CFAP54: variants seen among roughly 807,000 people sequenced by gnomAD.
The protein encoded by CFAP54 is cilia and flagella associated protein 54.
A neutral mutation model predicts 370.4 loss-of-function variants in CFAP54; 290 were observed. That is an observed-to-expected ratio of 0.78 (90% confidence interval 0.71 to 0.86). The LOEUF (loss-of-function observed/expected upper bound fraction) is 0.86. Ranked by LOEUF, CFAP54 falls within the 40% of genes least tolerant of loss-of-function variation. The pLI is 0.00. For synonymous variants in CFAP54, 1,206 were observed against 1,236.5 expected, an observed-to-expected ratio of 0.98 and a Z score of 0.52; for missense variants, 3,399 against 3,528.7, an observed-to-expected ratio of 0.96 and a Z score of 0.93.
At chr12:96,759,136 A>G (rs1033987255) in intron 58 of CFAP54, among the ~76,000 whole-genome samples, 21 of 152,070 alleles carry the variant, frequency 1.4e-4, no homozygotes, top group Admixed American at 1.3e-4. Context: ...AGGCAAATAG[A>G]GTCTCAGTCA....
At chr12:96,860,987 T>C in intron 67 of CFAP54, 35 bp downstream of exon 67, 1 of 1,417,302 alleles carries the variant, frequency 7.1e-7, no homozygotes, top group Non-Finnish European at 9.2e-7. Context: ...TTGTTGTTTC[T>C]CTTCATTTGA....
intron 64 of CFAP54, among the ~76,000 whole-genome samples, chr12:96,814,007 T>A (rs930294738): frequency 3.3e-5 from 5 of 152,178 alleles, no homozygotes; most frequent in African/African-American, 9.7e-5. Context: ...AGTCATCTGA[T>A]GTTGCTCTTT....
chr12:96,693,921 A>G (rs865775987), intron 45 of CFAP54, 113 bp downstream of exon 45: 2 of 596,294 alleles, frequency 3.4e-6, no homozygotes, highest in Middle Eastern at 7.1e-4. Flanking sequence ...ATGGCATTAC[A>G]CTGATGTAAG....
At chr12:96,505,895 G>C (rs186480263) in intron 3 of CFAP54, among the ~76,000 whole-genome samples, 3 of 152,208 alleles carry the variant, frequency 2.0e-5, no homozygotes, top group Admixed American at 6.5e-5. Context: ...AGCAGTGTCC[G>C]TTTCTTCCTC....
intron 33 of CFAP54, chr12:96,645,016 T>C (rs961826736): frequency 2.8e-6 from 1 of 361,338 alleles, no homozygotes; most frequent in Non-Finnish European, 5.6e-6. Flanking sequence ...AAGGGTAAAA[T>C]GTAATTCCAA....
rs539432312 is a variant in CFAP54, at chr12:96,664,927, C to G, written c.5563+995C>G. Reference sequence around the variant, plus strand: ...CACAATGGTTGAACTAATTTACACTCCCACTAACAATGTATAAGCGTTCGT... The same window carrying G: ...CACAATGGTTGAACTAATTTACACTGCCACTAACAATGTATAAGCGTTCGT... On this transcript the variant is annotated intron_variant, in intron 39 of 67. Transcript: ENST00000524981. Among the ~76,000 whole-genome samples, 12 of 151,436 alleles carry G rather than the reference C, an allele frequency of 7.9e-5. No homozygotes were observed. The East Asian group carries it at 2.3e-3, about 29-fold the overall frequency.
chr12:96,664,697 CTATATATATATATA>C (rs377611594), intron 39 of CFAP54, among the ~76,000 whole-genome samples: 37,957 of 75,928 alleles, frequency 0.5, 7,787 homozygotes, highest in Admixed American at 0.54. Context: ...GGGTATATAT[CTATATATATATATA>C]TATCTATATA....
At chr12:96,538,631 T>A in intron 13 of CFAP54, 113 bp downstream of exon 13, 1 of 990,018 alleles carries the variant, frequency 1.0e-6, no homozygotes, top group Non-Finnish European at 1.5e-6. Context: ...ATGACTTTCA[T>A]TTGCATATAT....
Position 96,541,000 on chromosome 12 carries a change from C to T in CFAP54, c.2077+13C>T, listed in dbSNP as rs1381870826. 8.2e-6 allele frequency: 12 copies of T among 1,470,744 alleles called. No individual in the cohort carries two copies. Among genetic ancestry groups the T allele is most frequent in the Non-Finnish European group, 9.8e-6 (11 of 1,117,952 alleles). 91.1% of individuals were successfully genotyped at this position (1,470,744 alleles called of 1,614,324 possible). A position where few individuals can be genotyped will look rare whatever the true frequency, so the allele number is the denominator to read the frequency against. On this transcript the variant is annotated intron_variant, in intron 14 of 67. Coordinates refer to ENST00000524981, the MANE Select transcript of CFAP54 (RefSeq NM_001306084.2). ...AAACAATCTCTAGGTAAAATGTTGG[C>T]TGAAAAATTGTATACATATATAAAT...
At chr12:96,833,995 A>G (rs1420173384) in intron 66 of CFAP54, among the ~76,000 whole-genome samples, 2 of 152,180 alleles carry the variant, frequency 1.3e-5, no homozygotes, top group Non-Finnish European at 2.9e-5. Flanking sequence ...AAGGTCTCAC[A>G]GCTTGATAAA....
Position 96,502,990 on chromosome 12 carries a change from T to C in CFAP54, c.424-896T>C, listed in dbSNP as rs535026729. ...TTATTTTCTCTTCTTTGGTTCCCTC[T>C]TTCTTCCTCTCTTCCTTCCTCTCTC... On this transcript the variant is annotated intron_variant, in intron 2 of 67. Transcript: ENST00000524981. Among the ~76,000 whole-genome samples, 13 of 152,166 alleles carry C rather than the reference T, an allele frequency of 8.5e-5. No homozygotes were observed. The South Asian group carries it at 2.7e-3, about 32-fold the overall frequency.
chr12:96,654,566 T>C (rs992588138), intron 36 of CFAP54, among the ~76,000 whole-genome samples: 1 of 152,080 alleles, frequency 6.6e-6, no homozygotes, highest in Non-Finnish European at 1.5e-5. Context: ...TGGGTTGTGA[T>C]CAAGCCAGGG....
intron 48 of CFAP54, among the ~76,000 whole-genome samples, chr12:96,709,074 T>C (rs1484336646): frequency 1.3e-5 from 2 of 152,210 alleles, no homozygotes; most frequent in South Asian, 4.1e-4. Flanking sequence ...ATTTACAAAA[T>C]GGTATATTCA....
chr12:96,659,188 G>T (rs934802425), intron 38 of CFAP54, among the ~76,000 whole-genome samples: 1 of 152,164 alleles, frequency 6.6e-6, no homozygotes, highest in African/African-American at 2.4e-5. Flanking sequence ...AGGTGGGGGG[G>T]TTCTGCCCCA....
intron 51 of CFAP54, among the ~76,000 whole-genome samples, chr12:96,740,956 G>T (rs769638475): frequency 1.1e-4 from 17 of 152,150 alleles, no homozygotes; most frequent in Non-Finnish European, 2.4e-4. Context: ...CCCTAAATAG[G>T]TCAGTAGTGC....
rs373179046 is a variant in CFAP54 at position 96,835,060 on chromosome 12, G to A, written c.9171+5972G>A. 1.2e-4 allele frequency among the ~76,000 whole-genome samples: 18 copies of A among 152,170 alleles called. 1 individual carries two copies. The East Asian group carries it at 2.1e-3, about 18-fold the overall frequency. ...TCTCTGCAACTCTCAGCAGAGAGGA[G>A]GCTGTGGAGTGGGTTGCTCCTCTCT... On this transcript the variant is annotated intron_variant, in intron 66 of 67. Transcript: ENST00000524981.
chr12:96,612,787 A>G lies in CFAP54; in HGVS notation c.3640-8803A>G, dbSNP rs2136456470. ...AAGAGACAAAGAAGACCATTACATA[A>G]TGGTAAAGGGATCAATTAAACAAGA... On this transcript the variant is annotated intron_variant, in intron 26 of 67. Coordinates refer to ENST00000524981, the MANE Select transcript of CFAP54 (RefSeq NM_001306084.2). 2.0e-5 allele frequency among the ~76,000 whole-genome samples: 3 copies of G among 152,336 alleles called. 1 individual carries two copies. The Middle Eastern group carries it at 0.01, about 518-fold the overall frequency.
intron 41 of CFAP54, 36 bp downstream of exon 41, chr12:96,684,771 G>A: frequency 6.7e-7 from 1 of 1,502,650 alleles, no homozygotes; most frequent in East Asian, 2.3e-5. Context: ...AAGGGCAAAG[G>A]TTTTTTATTT....
chr12:96,504,702 A>G (rs913237932), intron 3 of CFAP54, among the ~76,000 whole-genome samples: 1 of 152,206 alleles, frequency 6.6e-6, no homozygotes, highest in African/African-American at 2.4e-5. Context: ...CTTGAGGACT[A>G]TTCAAGGGTT....
Sources: gnomAD v4.1 joint callset for allele counts (sites outside exome capture counted in the v4.1 genomes callset) on GRCh38, gnomAD v4.1.1 for gene constraint, MANE v1.5 for transcripts, NCBI Gene and HGNC (gene_info 2026-07-23, HGNC 2026-07-21) for gene names.